The following SCAMP5 variants were observed in gnomAD, a reference collection of about 807,000 sequenced individuals.
SCAMP5 encodes secretory carrier membrane protein 5, also known as secretory carrier-associated membrane protein 5.
In SCAMP5, 7 loss-of-function variants were observed where a neutral mutation model predicts 28.3. That is an observed-to-expected ratio of 0.25 (90% CI 0.14 to 0.46). The LOEUF is 0.46. Ranked by LOEUF, SCAMP5 falls within the 20% of genes least tolerant of loss-of-function variation. The pLI, the probability that SCAMP5 is intolerant of heterozygous loss-of-function variation, is 0.99. For missense variants in SCAMP5, 192 were observed against 312.5 expected (o/e 0.61, Z 2.91); for synonymous variants, 117 against 116.4 (o/e 1.00, Z -0.03).
intron 1 of SCAMP5, among the ~76,000 whole-genome samples, chr15:75,003,564 C>T (rs7172989): frequency 0.2 from 30,476 of 152,104 alleles, 4,854 homozygotes; most frequent in South Asian, 0.43. Context: ...AATCTCAGCA[C>T]GTTGGGAAGC....
intron 1 of SCAMP5, among the ~76,000 whole-genome samples, chr15:75,009,623 C>T (rs542182267): frequency 3.9e-4 from 60 of 152,166 alleles, no homozygotes; most frequent in African/African-American, 1.3e-3. Flanking sequence ...ACTACAGGCA[C>T]GCACCATCGT....
At chr15:75,014,919 T>C (rs1052091829) in intron 3 of SCAMP5, among the ~76,000 whole-genome samples, 1 of 152,110 alleles carries the variant, frequency 6.6e-6, no homozygotes, top group Non-Finnish European at 1.5e-5. Context: ...CCAGGAGATT[T>C]TGGGGCAATG....
Position 75,008,158 on chromosome 15 carries a change from A to G in SCAMP5, c.-48-3634A>G, listed in dbSNP as rs140247400. On this transcript the variant is annotated intron_variant, in intron 1 of 6. Transcript: ENST00000425597. Reference sequence around the variant, plus strand: ...AGTTAGCTTGATTTGTTTTTGTTTCAGTTTTAGAGTTTGCTTTTCTTTTTG... The same window carrying G: ...AGTTAGCTTGATTTGTTTTTGTTTCGGTTTTAGAGTTTGCTTTTCTTTTTG... Among the ~76,000 whole-genome samples the G allele has an allele frequency of 1.1e-3, 169 of 150,966 alleles. 1 individual carries two copies. The highest frequency in any genetic ancestry group is 3.9e-3 in the African/African-American group (159 of 41,034).
At chr15:75,012,265 TA>T (rs1842531543) in intron 2 of SCAMP5, among the ~76,000 whole-genome samples, 2 of 152,052 alleles carry the variant, frequency 1.3e-5, no homozygotes, top group Non-Finnish European at 2.9e-5. Context: ...CTCCAGCAAA[TA>T]AACTGAGGTC....
chr15:75,004,188 GCCA>G (rs1161955190), intron 1 of SCAMP5, among the ~76,000 whole-genome samples: 5 of 152,032 alleles, frequency 3.3e-5, no homozygotes, highest in Non-Finnish European at 7.4e-5. Flanking sequence ...ACAGGCGTGA[GCCA>G]CCACGTCTGG....
chr15:75,018,451 G>C lies in SCAMP5; in HGVS notation c.429G>C (p.Thr143=). Residue 143 remains threonine, a synonymous_variant, in exon 6 of 7, where the codon ACG becomes ACC. Coordinates refer to ENST00000425597, the MANE Select transcript of SCAMP5 (RefSeq NM_138967.4). This position sits in a 1 kb window ranked among gnomAD's most constrained non-coding sequence, Gnocchi z 5.6. Reference sequence around the variant, plus strand: ...TTGCTACCATCTCCTTCTTCGGAACGAACATTGGCTCGGCGGTGGTGATGC... The same window carrying C: ...TTGCTACCATCTCCTTCTTCGGAACCAACATTGGCTCGGCGGTGGTGATGC... ...GWIATISFFG[T]NIGSAVVMLI... is the part of the protein sequence containing the mutation. 6.2e-7 allele frequency: 1 copy of C among 1,613,784 alleles called. No homozygotes were observed. Among genetic ancestry groups the C allele is most frequent in the South Asian group, 1.1e-5 (1 of 91,070 alleles).
intron 1 of SCAMP5, among the ~76,000 whole-genome samples, chr15:75,009,638 G>C (rs1025108309): frequency 2.6e-5 from 4 of 152,048 alleles, no homozygotes; most frequent in African/African-American, 9.7e-5. Flanking sequence ...CATCGTGCCT[G>C]CCTAATTTTT....
At chr15:75,013,940 G>C (rs182337044) in intron 3 of SCAMP5, among the ~76,000 whole-genome samples, 1 of 152,082 alleles carries the variant, frequency 6.6e-6, no homozygotes, top group South Asian at 2.1e-4. Flanking sequence ...TCTGTAGCAG[G>C]GGGTGGGAAA....
intron 1 of SCAMP5, among the ~76,000 whole-genome samples, chr15:75,000,612 C>A (rs2065695416): frequency 6.6e-6 from 1 of 151,430 alleles, no homozygotes; most frequent in South Asian, 2.1e-4. Context: ...TCTCAATTTC[C>A]TGACCTCGTG....
intron 1 of SCAMP5, among the ~76,000 whole-genome samples, chr15:75,008,711 A>G (rs1443407365): frequency 1.3e-5 from 2 of 152,132 alleles, no homozygotes; most frequent in African/African-American, 4.8e-5. Context: ...CATGTTGGCC[A>G]GGCTGGTCTC....
intron 1 of SCAMP5, among the ~76,000 whole-genome samples, chr15:74,997,588 A>C (rs1238578839): frequency 6.6e-6 from 1 of 152,194 alleles, no homozygotes; most frequent in South Asian, 2.1e-4. Context: ...GGATGTGAGA[A>C]GGTAGCAGGA....
At chr15:75,011,288 T>C (rs1417234766) in intron 1 of SCAMP5, among the ~76,000 whole-genome samples, 1 of 152,216 alleles carries the variant, frequency 6.6e-6, no homozygotes, top group African/African-American at 2.4e-5. Flanking sequence ...TGTGTATGTT[T>C]TCACGGTGGC....
At position 75,019,154 on chromosome 15, in the gene SCAMP5, C is replaced by T; in HGVS notation, c.*171C>T. On this transcript the variant is annotated 3_prime_UTR_variant, in exon 7 of 7. Coordinates refer to ENST00000425597, the MANE Select transcript of SCAMP5 (RefSeq NM_138967.4). ...ATATATGTATATGTCTGTACCCCAG[C>T]CCCCACCTTTCAGATTCTGCTCTTG... The T allele has an allele frequency of 4.8e-6, 2 of 418,992 alleles. No homozygotes were observed. The highest frequency in any genetic ancestry group is 8.3e-6 in the Non-Finnish European group (2 of 242,106). 26.0% of individuals were successfully genotyped at this position (418,992 alleles called of 1,614,324 possible). A position where few individuals can be genotyped will look rare whatever the true frequency, so the allele number is the denominator to read the frequency against.
rs1041867103 is a variant in SCAMP5, at chr15:75,021,015, C to T, written c.*2032C>T. The T allele has an allele frequency of 1.3e-5, 2 of 152,626 alleles. No individual in the cohort carries two copies. Among genetic ancestry groups the T allele is most frequent in the African/African-American group, 4.8e-5 (2 of 41,448 alleles). The allele number at this position is 152,626 out of a possible 1,614,324, so 9.5% of individuals were successfully genotyped here. On this transcript the variant is annotated 3_prime_UTR_variant, in exon 7 of 7. Coordinates refer to ENST00000425597, the MANE Select transcript of SCAMP5 (RefSeq NM_138967.4). ...ACCCCAGAACTTTGGCTCCCTTTCC[C>T]TTCTCTCTCTGGTAGCTCCAGGAGG...
At chr15:75,012,065 A>G (rs1188798746) in intron 2 of SCAMP5, among the ~76,000 whole-genome samples, 1 of 152,186 alleles carries the variant, frequency 6.6e-6, no homozygotes, top group African/African-American at 2.4e-5. Flanking sequence ...TGGACCAGGA[A>G]TTGAGCACCT....
At chr15:75,014,837 T>G (rs1399313198) in intron 3 of SCAMP5, among the ~76,000 whole-genome samples, 1 of 152,026 alleles carries the variant, frequency 6.6e-6, no homozygotes, top group African/African-American at 2.4e-5. Context: ...TGGGGAGAGA[T>G]GTGAACCAAT....
intron 3 of SCAMP5, 148 bp from the exon 4 acceptor site, chr15:75,016,445 C>A: frequency 1.5e-6 from 1 of 665,552 alleles, no homozygotes; most frequent in Non-Finnish European, 2.6e-6. Flanking sequence ...GTCTGCATCT[C>A]TCTGTGCTTG....
At chr15:75,004,964 CAA>C (rs971716472) in intron 1 of SCAMP5, among the ~76,000 whole-genome samples, 10 of 152,152 alleles carry the variant, frequency 6.6e-5, no homozygotes, top group Non-Finnish European at 1.5e-4. Context: ...ATCACGAAGT[CAA>C]GAGATGGAGA....
intron 2 of SCAMP5, among the ~76,000 whole-genome samples, chr15:75,012,055 T>C (rs1188964765): frequency 6.6e-6 from 1 of 152,244 alleles, no homozygotes; most frequent in African/African-American, 2.4e-5. Context: ...TTTGGTCCTA[T>C]GGACCAGGAA....
Sources: gnomAD v4.1 joint callset for allele counts (sites outside exome capture counted in the v4.1 genomes callset) on GRCh38, gnomAD v4.1.1 for gene constraint, Gnocchi (gnomAD v3.1) non-coding constraint, MANE v1.5 for transcripts, NCBI Gene and HGNC (gene_info 2026-07-23, HGNC 2026-07-21) for gene names.